SLC8A1: variants seen among roughly 807,000 people sequenced by gnomAD.
SLC8A1 encodes the protein solute carrier family 8 member A1.
SLC8A1 carries 18 observed loss-of-function variants against 68.3 expected under a neutral mutation model. That is an observed-to-expected ratio of 0.26 (90% confidence interval 0.18 to 0.39). The LOEUF is 0.39. SLC8A1 is among the 10% of genes least tolerant of loss of function. The probability of loss-of-function intolerance (pLI) is 1.00; values close to 1 mark genes in which losing one functional copy is unlikely to be tolerated. For missense variants in SLC8A1, 985 were observed against 1,156.7 expected, an observed-to-expected ratio of 0.85 and a Z score of 2.15; for synonymous variants, 475 against 415.5, an observed-to-expected ratio of 1.14 and a Z score of -1.74.
chr2:40,413,899 G>A (rs376470829), intron 2 of SLC8A1, among the ~76,000 whole-genome samples: 11 of 152,056 alleles, frequency 7.2e-5, no homozygotes, highest in African/African-American at 1.7e-4. Context: ...ATGATGATGC[G>A]TCTCACTAGG....
chr2:40,139,449 C>T, exon 7 of SLC8A1: 1 of 1,614,160 alleles, frequency 6.2e-7, no homozygotes. Flanking sequence ...GTCACAGAAT[C>T]TTTCAGGCCA....
At chr2:40,451,001 AG>A (rs1008957539) in intron 1 of SLC8A1, among the ~76,000 whole-genome samples, 2 of 151,826 alleles carry the variant, frequency 1.3e-5, no homozygotes, top group Non-Finnish European at 2.9e-5. Flanking sequence ...GGGGTGATGC[AG>A]GGGGTGGATT....
chr2:40,387,420 C>G (rs2149582550), intron 2 of SLC8A1, among the ~76,000 whole-genome samples: 1 of 151,248 alleles, frequency 6.6e-6, no homozygotes, highest in South Asian at 2.1e-4. Context: ...CTAAAGTTTC[C>G]AAAACTCAAA....
At chr2:40,190,570 C>A (rs754857581) in intron 2 of SLC8A1, 5 of 152,274 alleles carry the variant, frequency 3.3e-5, no homozygotes, top group Middle Eastern at 3.4e-3. Context: ...GAAAGAAATG[C>A]ATGATTTTCT....
chr2:40,128,660 C>A (rs542779882), intron 7 of SLC8A1, among the ~76,000 whole-genome samples: 50 of 152,266 alleles, frequency 3.3e-4, no homozygotes, highest in Admixed American at 7.9e-4. Context: ...GTGATCCCCA[C>A]CCCCAGCAAT....
chr2:40,112,658 C>CA (rs56384807), exon 8 of SLC8A1: 3,718 of 141,660 alleles, frequency 0.026, 53 homozygotes, highest in African/African-American at 0.049. Flanking sequence ...TAGCAATTCT[C>CA]AAAAAAAAAA....
At chr2:40,271,444 G>T (rs1272012421) in intron 2 of SLC8A1, among the ~76,000 whole-genome samples, 1 of 152,062 alleles carries the variant, frequency 6.6e-6, no homozygotes, top group African/African-American at 2.4e-5. Flanking sequence ...CCTCCTCAGA[G>T]AATTTCTCTG....
chr2:40,341,664 C>G (rs950263668), intron 2 of SLC8A1, among the ~76,000 whole-genome samples: 3 of 152,106 alleles, frequency 2.0e-5, no homozygotes, highest in Admixed American at 1.3e-4. Flanking sequence ...GTAAAAATTG[C>G]AGTTAATGTA....
intron 2 of SLC8A1, among the ~76,000 whole-genome samples, chr2:40,374,805 C>A (rs1167006965): frequency 6.6e-6 from 1 of 152,040 alleles, no homozygotes; most frequent in East Asian, 1.9e-4. Flanking sequence ...ACCATTTCAA[C>A]TGCTTTGTGA....
intron 2 of SLC8A1, among the ~76,000 whole-genome samples, chr2:40,255,380 C>G (rs1403970623): frequency 6.6e-6 from 1 of 152,220 alleles, no homozygotes; most frequent in East Asian, 1.9e-4. Context: ...ACAATGCCAC[C>G]CAGCTATTGG....
chr2:40,399,982 G>T (rs1057374723), intron 2 of SLC8A1, among the ~76,000 whole-genome samples: 6 of 152,188 alleles, frequency 3.9e-5, no homozygotes, highest in African/African-American at 1.4e-4. Flanking sequence ...ATAGATTACA[G>T]ACATTGTATA....
intron 2 of SLC8A1, among the ~76,000 whole-genome samples, chr2:40,323,714 C>T (rs1386942804): frequency 1.3e-5 from 2 of 151,938 alleles, no homozygotes; most frequent in Non-Finnish European, 2.9e-5. Context: ...AAAAACAAAC[C>T]CTCCTACCCA....
rs1388823648 is a variant in SLC8A1 at position 40,122,225 on chromosome 2, CGT to C, written c.2438-6598_2438-6597del. ...GCGCGCGCACACACACACACACACA[CGT>C]GTGCGCGCGCACACACACACACACA... On this transcript the variant is annotated intron_variant, in intron 7 of 7. Coordinates refer to ENST00000406785, the Ensembl canonical transcript of SLC8A1. Among the ~76,000 whole-genome samples the C allele has an allele frequency of 3.6e-3, 505 of 139,376 alleles. 7 individuals carry two copies. The highest frequency in any genetic ancestry group is 0.026 in the East Asian group (123 of 4,754). 91.4% of individuals were successfully genotyped at this position (139,376 alleles called of 152,430 possible).
chr2:40,272,954 TG>T (rs1342330512), intron 2 of SLC8A1, among the ~76,000 whole-genome samples: 1 of 152,192 alleles, frequency 6.6e-6, no homozygotes, highest in Non-Finnish European at 1.5e-5. Context: ...TCTTTTGTTT[TG>T]TTTTTGAGAT....
At chr2:40,373,326 A>G (rs370396889) in intron 2 of SLC8A1, among the ~76,000 whole-genome samples, 1 of 152,136 alleles carries the variant, frequency 6.6e-6, no homozygotes, top group Non-Finnish European at 1.5e-5. Context: ...TGCCAGGGTC[A>G]ATCTCAGCAG....
At chr2:40,277,438 G>A (rs977697783) in intron 2 of SLC8A1, among the ~76,000 whole-genome samples, 1 of 152,060 alleles carries the variant, frequency 6.6e-6, no homozygotes, top group African/African-American at 2.4e-5. Context: ...TATTCAGGAG[G>A]CTGAGGCAGG....
intron 2 of SLC8A1, among the ~76,000 whole-genome samples, chr2:40,409,912 T>A (rs1206738844): frequency 2.6e-5 from 4 of 151,966 alleles, no homozygotes; most frequent in African/African-American, 9.7e-5. Flanking sequence ...CTACTGCATA[T>A]CTGGCATCCC....
intron 1 of SLC8A1, among the ~76,000 whole-genome samples, chr2:40,472,101 A>G (rs1704021874): frequency 6.6e-6 from 1 of 152,190 alleles, no homozygotes. Context: ...GTGGTATGGA[A>G]GGCCAAGTGC....
intron 1 of SLC8A1, among the ~76,000 whole-genome samples, chr2:40,501,699 T>TA (rs1706069947): frequency 6.6e-6 from 1 of 152,220 alleles, no homozygotes; most frequent in South Asian, 2.1e-4. Context: ...GATGGACATC[T>TA]ATTTTGGTTT....
Sources: allele counts gnomAD v4.1 joint callset (sites outside exome capture counted in the v4.1 genomes callset), GRCh38; gene constraint gnomAD v4.1.1; transcripts MANE v1.5; gene names NCBI Gene and HGNC (gene_info 2026-07-23, HGNC 2026-07-21).